Variants in MAU2 observed in about 807,000 individuals in gnomAD.
MAU2 encodes the protein MAU2 sister chromatid cohesion factor, also known as MAU2 chromatid cohesion factor homolog.
A neutral mutation model predicts 89.1 loss-of-function variants in MAU2; 9 were observed. That is an observed-to-expected ratio of 0.10 (90% CI 0.06 to 0.18). MAU2 has a LOEUF of 0.18. Ranked by LOEUF, MAU2 falls within the 10% of genes least tolerant of loss-of-function variation. The pLI, the probability that MAU2 is intolerant of heterozygous loss-of-function variation, is 1.00. For missense variants in MAU2, 425 were observed against 803.5 expected (o/e 0.53, Z 5.69); for synonymous variants, 357 against 343.4 (o/e 1.04, Z -0.44).
At position 19,345,492 on chromosome 19, in the gene MAU2, G is replaced by A; in HGVS notation, c.1221+123G>A. The A allele has an allele frequency of 2.2e-6, 2 of 897,578 alleles. No individual in the cohort carries two copies. Among genetic ancestry groups the A allele is most frequent in the Non-Finnish European group, 3.6e-6 (2 of 556,574 alleles). 55.6% of individuals were successfully genotyped at this position (897,578 alleles called of 1,614,324 possible). On this transcript the variant is annotated intron_variant, in intron 12 of 18. Coordinates refer to ENST00000262815, the MANE Select transcript of MAU2 (RefSeq NM_015329.4). The surrounding 1 kb of genome is among the most constrained non-coding windows in gnomAD (Gnocchi z 4.9). ...GCTATGCAAAGCCGCAGCCCCAGAG[G>A]CAATGCACAGTAGTCAGCCCATGCC... is the stretch of plus-strand genomic sequence containing the variant.
At chr19:19,340,338 TAATA>T (rs1256955719) in intron 5 of MAU2, among the ~76,000 whole-genome samples, 1 of 122,298 alleles carries the variant, frequency 8.2e-6, no homozygotes, top group Non-Finnish European at 1.7e-5. Flanking sequence ...AAGAAAAAAA[TAATA>T]AAAAAAATAA....
Position 19,321,102 on chromosome 19 carries a change from C to G in MAU2, c.243C>G (p.Asn81Lys). ...LGSVLYHHTK[N>K]SEQARSHLEK... ...CCGTTCTCTATCACCACACCAAGAACAGCGAGCAGGCGCGCAGCCACCTGG... is the reference window on the plus strand; with the variant it reads ...CCGTTCTCTATCACCACACCAAGAAGAGCGAGCAGGCGCGCAGCCACCTGG... The change falls in exon 1 of 19, where the codon AAC (asparagine) becomes AAG (lysine). Residue 81 changes from asparagine (N) to lysine (K), a missense_variant. Physicochemically the swap from Asn to Lys is moderately conservative, Grantham distance 94. This residue lies in a region of MAU2 where 57 missense variants were observed against 57.5 expected (regional missense o/e 0.99). Transcript: ENST00000262815. 1 of 1,604,440 alleles carries G rather than the reference C, an allele frequency of 6.2e-7. No individual in the cohort carries two copies. The highest frequency in any genetic ancestry group is 8.5e-7 in the Non-Finnish European group (1 of 1,176,090).
chr19:19,334,127 TCTG>T (rs1397158178), intron 1 of MAU2: 1 of 979,602 alleles, frequency 1.0e-6, no homozygotes, highest in South Asian at 4.7e-5. Context: ...GCCCCCAACT[TCTG>T]CTCTTCTGTT....
chr19:19,343,794 C>T (rs1356827125), intron 9 of MAU2, 43 bp from the exon 10 acceptor site: 12 of 1,497,508 alleles, frequency 8.0e-6, no homozygotes, highest in Non-Finnish European at 1.1e-5. Flanking sequence ...GTGGCGCCTC[C>T]TCTGGCCTCC....
At chr19:19,322,091 G>C (rs1217840390) in intron 1 of MAU2, among the ~76,000 whole-genome samples, 1 of 151,366 alleles carries the variant, frequency 6.6e-6, no homozygotes, top group African/African-American at 2.4e-5. Flanking sequence ...TCCGCCTCCC[G>C]GGTTCAGGCC....
chr19:19,341,465 C>T, intron 7 of MAU2, 58 bp downstream of exon 7: 1 of 1,597,876 alleles, frequency 6.3e-7, no homozygotes, highest in Non-Finnish European at 8.5e-7. Context: ...GGGTGGTACC[C>T]AGGCCAATGG....
Position 19,342,532 on chromosome 19 carries a change from C to T in MAU2, c.736-3C>T, listed in dbSNP as rs756524046. The T allele has an allele frequency of 1.3e-6, 2 of 1,573,118 alleles. No homozygotes were observed. ...TGGATGCTCGGGTGTGGGTGCTGCA[C>T]AGGTGAAGAGCGTGAAGCCGTGTCT... On this transcript the variant is annotated splice_polypyrimidine_tract_variant and splice_region_variant and intron_variant, in intron 7 of 18. Transcript: ENST00000262815.
rs1246642035 is a variant in MAU2 at position 19,336,984 on chromosome 19, CCAGT to C, written c.361-185_361-182del. On this transcript the variant is annotated intron_variant, in intron 3 of 18. Coordinates refer to ENST00000262815, the MANE Select transcript of MAU2 (RefSeq NM_015329.4). ...TAAGAGTGATGCAGAAACTTCCCAGCCAGTGAGTCCAATAAAATATCTTTTTTTA... is the reference window on the plus strand; with the variant it reads ...TAAGAGTGATGCAGAAACTTCCCAGCGAGTCCAATAAAATATCTTTTTTTA... Among the ~76,000 whole-genome samples the C allele has an allele frequency of 2.0e-5, 3 of 152,172 alleles. No individual in the cohort carries two copies. The East Asian group carries it at 5.8e-4, about 29-fold the overall frequency.
At chr19:19,347,860 C>T (rs1229943018) in intron 13 of MAU2, 2 of 153,144 alleles carry the variant, frequency 1.3e-5, no homozygotes, top group African/African-American at 4.8e-5. Context: ...CTCTTCTGTC[C>T]CTTTTAGCCC....
At chr19:19,341,097 G>T (rs1477989465) in intron 6 of MAU2, among the ~76,000 whole-genome samples, 155 bp from the exon 7 acceptor site, 1 of 152,216 alleles carries the variant, frequency 6.6e-6, no homozygotes, top group Non-Finnish European at 1.5e-5. Context: ...GCAAGAGCCT[G>T]GTTAGGAGCT....
chr19:19,330,290 C>T (rs2061545331), intron 1 of MAU2, among the ~76,000 whole-genome samples: 1 of 151,202 alleles, frequency 6.6e-6, no homozygotes, highest in Admixed American at 6.6e-5. Flanking sequence ...AACCCTGTCT[C>T]TTATAAAAAC....
At chr19:19,349,749 A>G (rs563797152) in intron 16 of MAU2, among the ~76,000 whole-genome samples, 2 of 152,270 alleles carry the variant, frequency 1.3e-5, no homozygotes, top group East Asian at 3.9e-4. Flanking sequence ...GGGATGACGC[A>G]GCCACCCCAT....
At chr19:19,326,884 C>T (rs750600608) in intron 1 of MAU2, among the ~76,000 whole-genome samples, 75 of 150,136 alleles carry the variant, frequency 5.0e-4, no homozygotes, top group Admixed American at 1.3e-3. Flanking sequence ...AGACCGAGAC[C>T]CTGTCTCAAA....
intron 9 of MAU2, 93 bp downstream of exon 9, chr19:19,342,959 T>C: frequency 2.2e-6 from 3 of 1,365,530 alleles, no homozygotes; most frequent in Non-Finnish European, 3.1e-6. Context: ...AGTGACCCTG[T>C]GTGACCGCAG....
At chr19:19,354,190 A>C (rs1460053922) in intron 16 of MAU2, 165 bp from the exon 17 acceptor site, 2 of 637,510 alleles carry the variant, frequency 3.1e-6, no homozygotes, top group Non-Finnish European at 5.7e-6. Flanking sequence ...GGGCCATTTG[A>C]GATGGGCTCT....
In MAU2 at chr19:19,342,865, GAGT is replaced by G. The variant is rs2061662706; in HGVS notation, c.973+1_973+3del. ...CCCTCATGCAGCTGGAGAAGCTCAA[GAGT>G]AAGTCAGGTGCTCGGCTGGCCACAT... On this transcript the variant is annotated splice_donor_variant and coding_sequence_variant, in exon 9 of 19. Transcript: ENST00000262815. LOFTEE classifies it high-confidence loss of function. 1 of 1,613,686 alleles carries G rather than the reference GAGT, an allele frequency of 6.2e-7. No homozygotes were observed. The highest frequency in any genetic ancestry group is 1.3e-5 in the African/African-American group (1 of 74,924).
At chr19:19,354,195 G>T in intron 16 of MAU2, 160 bp from the exon 17 acceptor site, 1 of 640,682 alleles carries the variant, frequency 1.6e-6, no homozygotes, top group Non-Finnish European at 2.9e-6. Context: ...ATTTGAGATG[G>T]GCTCTGAGGT....
At chr19:19,347,240 A>C (rs1254028823) in intron 12 of MAU2, 40 bp from the exon 13 acceptor site, 1 of 1,370,358 alleles carries the variant, frequency 7.3e-7, no homozygotes, top group East Asian at 2.3e-5. Flanking sequence ...GGGTCACAGC[A>C]CCCGACCCAG....
Position 19,341,537 on chromosome 19 carries a change from AC to A in MAU2, c.735+132del, listed in dbSNP as rs1291009958. ...CCTTGCCACACAACAGGGCTGTCAT[AC>A]CAGTCCCGGACACACACACTCCTGT... is the stretch of plus-strand genomic sequence containing the variant. On this transcript the variant is annotated intron_variant, in intron 7 of 18. Transcript: ENST00000262815. 5.5e-5 allele frequency: 62 copies of A among 1,132,048 alleles called. No homozygotes were observed. In the East Asian group the frequency reaches 1.5e-3, roughly 27 times the overall value. The allele number at this position is 1,132,048 out of a possible 1,614,324, so 70.1% of individuals were successfully genotyped here.
Sources: allele counts gnomAD v4.1 joint callset (sites outside exome capture counted in the v4.1 genomes callset), GRCh38; gene constraint gnomAD v4.1.1; regional missense constraint gnomAD v4.1.1; non-coding constraint Gnocchi (gnomAD v3.1); transcripts MANE v1.5; gene names NCBI Gene and HGNC (gene_info 2026-07-23, HGNC 2026-07-21).